SIL1: variants seen among roughly 807,000 people sequenced by gnomAD.
SIL1 encodes the protein nucleotide exchange factor SIL1.
SIL1 carries 40 observed loss-of-function variants against 49.1 expected under a neutral mutation model. The ratio of observed to expected loss-of-function variants is 0.81; its 90% confidence interval spans 0.63 to 1.06. SIL1 has a LOEUF of 1.06. Ranked by LOEUF, SIL1 falls within the 50% of genes least tolerant of loss-of-function variation. The pLI is 0.00. For synonymous variants in SIL1, 253 were observed against 250.8 expected, an observed-to-expected ratio of 1.01 and a Z score of -0.08; for missense variants, 500 against 572.6, an observed-to-expected ratio of 0.87 and a Z score of 1.29.
At chr5:139,104,698 G>A (rs1770662983) in intron 3 of SIL1, among the ~76,000 whole-genome samples, 1 of 152,148 alleles carries the variant, frequency 6.6e-6, no homozygotes, top group Non-Finnish European at 1.5e-5. Context: ...TCCTTGAGTG[G>A]GTTAGTAAGA....
At chr5:139,020,081 G>A (rs140817169) in intron 7 of SIL1, among the ~76,000 whole-genome samples, 35 of 152,266 alleles carry the variant, frequency 2.3e-4, no homozygotes, top group African/African-American at 7.5e-4. Flanking sequence ...TGGGAGGTGA[G>A]ACCAAGGGAG....
At chr5:139,101,716 G>A (rs1770591637) in intron 3 of SIL1, among the ~76,000 whole-genome samples, 1 of 152,112 alleles carries the variant, frequency 6.6e-6, no homozygotes, top group Admixed American at 6.5e-5. Context: ...TTTGATTCTG[G>A]GTTAGACACA....
chr5:139,187,695 C>T (rs1024917202), intron 1 of SIL1: 1 of 131,466 alleles, frequency 7.6e-6, no homozygotes, highest in Non-Finnish European at 1.7e-5. Flanking sequence ...GTATACACTG[C>T]AATAGGCTTG....
chr5:139,116,364 T>C (rs1023783234), intron 3 of SIL1, among the ~76,000 whole-genome samples: 1 of 152,192 alleles, frequency 6.6e-6, no homozygotes, highest in Non-Finnish European at 1.5e-5. Flanking sequence ...GCTTCCTGCG[T>C]GCTCACATTG....
rs928641880 is a variant in SIL1 at position 139,137,203 on chromosome 5, A to G, written c.-10-9350T>C. 3 of 617,330 alleles carry G rather than the reference A, an allele frequency of 4.9e-6. No individual in the cohort carries two copies. The African/African-American group carries it at 5.5e-5, about 11-fold the overall frequency. 38.2% of individuals were successfully genotyped at this position (617,330 alleles called of 1,614,324 possible). A position where few individuals can be genotyped will look rare whatever the true frequency, so the allele number is the denominator to read the frequency against. On this transcript the variant is annotated intron_variant, in intron 1 of 9. Transcript: ENST00000394817. ...AATAATAATTATAGTCAACATTTAT[A>G]GAGAACTTTCCATGTTGCAAGCAAA...
At chr5:139,121,239 G>T in intron 2 of SIL1, 66 bp from the exon 3 acceptor site, 1 of 1,607,672 alleles carries the variant, frequency 6.2e-7, no homozygotes, top group Admixed American at 1.7e-5. Context: ...AAAAAAAATG[G>T]CCTAGGGTGG....
At chr5:139,179,982 G>C (rs959885066) in intron 1 of SIL1, among the ~76,000 whole-genome samples, 2 of 151,090 alleles carry the variant, frequency 1.3e-5, no homozygotes, top group African/African-American at 4.9e-5. Context: ...CTTGACCTCA[G>C]GAAGTCGAGG....
chr5:139,107,600 G>A (rs1343473783), intron 3 of SIL1, among the ~76,000 whole-genome samples: 1 of 152,128 alleles, frequency 6.6e-6, no homozygotes, highest in Non-Finnish European at 1.5e-5. Context: ...ATATCACACT[G>A]TATTTGGTCG....
intron 7 of SIL1, among the ~76,000 whole-genome samples, chr5:138,998,095 G>A (rs1433009): frequency 0.38 from 58,448 of 152,042 alleles, 11,456 homozygotes; most frequent in African/African-American, 0.47. Context: ...CATGAGCACG[G>A]AAACTTTCCA....
Position 139,143,340 on chromosome 5 carries a change from C to CATATAT in SIL1, c.-10-15488_-10-15487insATATAT, listed in dbSNP as rs1398396877. On this transcript the variant is annotated intron_variant, in intron 1 of 9. Transcript: ENST00000394817. ...ACACACACACACACACACACACACA[C>CATATAT]ACACATATATATATATATATATATA... Among the ~76,000 whole-genome samples the CATATAT allele has an allele frequency of 1.4e-3, 118 of 85,140 alleles. 1 individual carries two copies. Among genetic ancestry groups the CATATAT allele is most frequent in the African/African-American group, 7.7e-3 (107 of 13,952 alleles). The allele number at this position is 85,140 out of a possible 152,430, so 55.9% of individuals were successfully genotyped here.
chr5:139,120,915 T>C lies in SIL1; in HGVS notation c.244+120A>G, dbSNP rs112184188. The C allele has an allele frequency of 2.7e-3, 3,363 of 1,268,480 alleles. 64 individuals carry two copies. In the African/African-American group the frequency reaches 0.042, roughly 16 times the overall value. The allele number at this position is 1,268,480 out of a possible 1,614,324, so 78.6% of individuals were successfully genotyped here. ...CAGCAGCTACCACTCTGACGGACCA[T>C]GCTGTTTCCCTCCCGCAGGCCAGAG... On this transcript the variant is annotated intron_variant, in intron 3 of 9. Transcript: ENST00000394817.
At chr5:138,964,638 T>C (rs1306760657) in intron 7 of SIL1, among the ~76,000 whole-genome samples, 3 of 152,188 alleles carry the variant, frequency 2.0e-5, no homozygotes, top group South Asian at 2.1e-4. Flanking sequence ...ACTCGTAAAA[T>C]AGTTAATGTC....
chr5:139,113,689 AC>A (rs1192942902), intron 3 of SIL1, among the ~76,000 whole-genome samples: 17 of 152,112 alleles, frequency 1.1e-4, no homozygotes, highest in African/African-American at 4.1e-4. Flanking sequence ...CTTGAGAACT[AC>A]TCCTAGCCCT....
At chr5:139,022,803 G>A (rs1319058505) in intron 6 of SIL1, among the ~76,000 whole-genome samples, 2 of 152,166 alleles carry the variant, frequency 1.3e-5, no homozygotes, top group African/African-American at 2.4e-5. Context: ...CAGCTAACTA[G>A]GGAGACTCAG....
At chr5:138,997,922 G>T (rs1298264476) in intron 7 of SIL1, among the ~76,000 whole-genome samples, 1 of 152,178 alleles carries the variant, frequency 6.6e-6, no homozygotes, top group Non-Finnish European at 1.5e-5. Flanking sequence ...TTCTGCTGAG[G>T]ATTGCTTTGG....
At chr5:138,949,177 C>G (rs1246410567) in intron 9 of SIL1, among the ~76,000 whole-genome samples, 1 of 152,216 alleles carries the variant, frequency 6.6e-6, no homozygotes, top group Non-Finnish European at 1.5e-5. Flanking sequence ...CAGGGTCCCC[C>G]TGCGGCCCTT....
At chr5:139,102,289 T>G (rs918390859) in intron 3 of SIL1, among the ~76,000 whole-genome samples, 3 of 152,212 alleles carry the variant, frequency 2.0e-5, no homozygotes, top group East Asian at 1.9e-4. Context: ...AAAGGGAAAG[T>G]ATCTGTCTCA....
intron 5 of SIL1, among the ~76,000 whole-genome samples, chr5:139,033,918 T>C (rs1230047395): frequency 6.6e-6 from 1 of 152,232 alleles, no homozygotes; most frequent in Non-Finnish European, 1.5e-5. Flanking sequence ...AAAGGGATGT[T>C]GAAATCCCCA....
chr5:138,984,568 A>G (rs560555540), intron 7 of SIL1, among the ~76,000 whole-genome samples: 1 of 152,224 alleles, frequency 6.6e-6, no homozygotes, highest in South Asian at 2.1e-4. Flanking sequence ...CCTGTTGGCC[A>G]GGCTGGTCTC....
Sources: gnomAD v4.1 joint callset for allele counts (sites outside exome capture counted in the v4.1 genomes callset) on GRCh38, gnomAD v4.1.1 for gene constraint, MANE v1.5 for transcripts, NCBI Gene and HGNC (gene_info 2026-07-23, HGNC 2026-07-21) for gene names.